The following GRID2 variants were observed in gnomAD, a reference collection of about 807,000 sequenced individuals.
GRID2 encodes the protein glutamate receptor ionotropic, delta-2.
Under a neutral mutation model 114.8 loss-of-function variants are expected in GRID2, and 33 were observed. That is an observed-to-expected ratio of 0.29 (90% CI 0.22 to 0.38). The LOEUF is 0.38. Among genes scored for constraint, GRID2 ranks in the 10% least tolerant of loss-of-function variants. GRID2 has a pLI of 1.00. For synonymous variants in GRID2, 505 were observed against 449.9 expected (o/e 1.12, Z -1.55); for missense variants, 1,184 against 1,257.7 (o/e 0.94, Z 0.89).
intron 13 of GRID2, among the ~76,000 whole-genome samples, chr4:93,580,353 T>C (rs1043369794): frequency 6.6e-6 from 1 of 152,120 alleles, no homozygotes; most frequent in Non-Finnish European, 1.5e-5. Flanking sequence ...AGTAGGCAAG[T>C]GGGGAGAGAT....
At chr4:93,115,092 TTGTGTGTGTGTGTGTGTGTG>T (rs546827152) in intron 4 of GRID2, among the ~76,000 whole-genome samples, 4 of 142,792 alleles carry the variant, frequency 2.8e-5, no homozygotes, top group African/African-American at 1.0e-4. Flanking sequence ...CTGTGTGTGC[TTGTGTGTGTGTGTGTGTGTG>T]TGTGTGTGTG....
At position 93,259,632 on chromosome 4, in the gene GRID2, T is replaced by A. The variant is rs1377893469; in HGVS notation, c.1245+21142T>A. Among the ~76,000 whole-genome samples, 4 of 151,874 alleles carry A rather than the reference T, an allele frequency of 2.6e-5. No individual in the cohort carries two copies. The East Asian group carries it at 7.7e-4, about 29-fold the overall frequency. On this transcript the variant is annotated intron_variant, in intron 8 of 15. Transcript: ENST00000282020. ...ATATTTTTATTTTTATGCAAAGCCT[T>A]TGACTATTCAGTTATTTTTTAATAT...
chr4:92,771,113 A>G (rs1359928104), intron 2 of GRID2, among the ~76,000 whole-genome samples: 5 of 152,162 alleles, frequency 3.3e-5, no homozygotes, highest in Non-Finnish European at 5.9e-5. Flanking sequence ...AACAAAACAT[A>G]ATTTGCTTTA....
chr4:93,688,702 A>T (rs1726287309), intron 14 of GRID2, among the ~76,000 whole-genome samples: 2 of 151,284 alleles, frequency 1.3e-5, no homozygotes, highest in African/African-American at 4.9e-5. Flanking sequence ...CCTGGAAAAG[A>T]GTGGCCCTCT....
At chr4:93,281,335 C>T (rs1257258875) in intron 8 of GRID2, among the ~76,000 whole-genome samples, 1 of 151,394 alleles carries the variant, frequency 6.6e-6, no homozygotes, top group Admixed American at 6.6e-5. Context: ...CCTTGAGTAA[C>T]GAAGACAAGG....
chr4:92,539,210 C>T (rs1392862266), intron 1 of GRID2, among the ~76,000 whole-genome samples: 1 of 151,974 alleles, frequency 6.6e-6, no homozygotes, highest in Non-Finnish European at 1.5e-5. Context: ...ACACAATATA[C>T]GATTTGCAGT....
At chr4:93,523,655 G>A (rs936411105) in intron 13 of GRID2, among the ~76,000 whole-genome samples, 1 of 152,118 alleles carries the variant, frequency 6.6e-6, no homozygotes, top group Non-Finnish European at 1.5e-5. Context: ...TTGGCAGGAG[G>A]GGTGAGCATA....
chr4:92,446,855 T>C (rs571600191), intron 1 of GRID2, among the ~76,000 whole-genome samples: 112 of 152,332 alleles, frequency 7.4e-4, no homozygotes, highest in Non-Finnish European at 1.2e-3. Context: ...GCAGAAGTTC[T>C]CAAGTTTTAC....
At chr4:93,238,096 A>G (rs912442684) in intron 7 of GRID2, among the ~76,000 whole-genome samples, 1 of 151,826 alleles carries the variant, frequency 6.6e-6, no homozygotes, top group Non-Finnish European at 1.5e-5. Flanking sequence ...CTGAGCTCTA[A>G]CATGGTTTCA....
At chr4:92,515,135 A>G (rs1724440485) in intron 1 of GRID2, among the ~76,000 whole-genome samples, 3 of 151,916 alleles carry the variant, frequency 2.0e-5, no homozygotes, top group African/African-American at 4.8e-5. Context: ...ATGACTTAGT[A>G]TAAATTATAC....
intron 1 of GRID2, among the ~76,000 whole-genome samples, chr4:92,451,342 CAATTT>C (rs1720914087): frequency 6.6e-6 from 1 of 151,976 alleles, no homozygotes; most frequent in Non-Finnish European, 1.5e-5. Flanking sequence ...GAATCACGCT[CAATTT>C]AGAAAGGATT....
chr4:92,709,428 A>G (rs1218877862), intron 2 of GRID2, among the ~76,000 whole-genome samples: 1 of 151,894 alleles, frequency 6.6e-6, no homozygotes, highest in Non-Finnish European at 1.5e-5. Flanking sequence ...ATTACAGTGT[A>G]ATGATACGCT....
chr4:92,372,050 C>T (rs1280024378), intron 1 of GRID2, among the ~76,000 whole-genome samples: 2 of 152,120 alleles, frequency 1.3e-5, no homozygotes, highest in Non-Finnish European at 2.9e-5. Context: ...GAAAGTGGAG[C>T]CTAAAGATGT....
intron 2 of GRID2, among the ~76,000 whole-genome samples, chr4:92,960,833 G>T (rs1010301769): frequency 6.6e-6 from 1 of 151,370 alleles, no homozygotes; most frequent in African/African-American, 2.4e-5. Context: ...TACTCTTTCC[G>T]CATTTTATGA....
At chr4:92,619,026 T>C (rs1298701062) in intron 2 of GRID2, among the ~76,000 whole-genome samples, 1 of 151,688 alleles carries the variant, frequency 6.6e-6, no homozygotes, top group African/African-American at 2.4e-5. Context: ...CTCTCTGATA[T>C]CTCTGTTTAG....
Position 93,515,360 on chromosome 4 carries a change from A to C in GRID2, c.2142A>C (p.Arg714=). ...CCCAAATGTGGCGGATGATCAACCG[A>C]AGCAATGGATCGGAGAACAATGTTC... ...MYSQMWRMIN[R]SNGSENNVLE... Residue 714 remains arginine, a synonymous_variant, in exon 13 of 16, where the codon CGA becomes CGC. Transcript: ENST00000282020. The C allele has an allele frequency of 1.2e-6, 2 of 1,613,286 alleles. No individual in the cohort carries two copies. The highest frequency in any genetic ancestry group is 1.7e-6 in the Non-Finnish European group (2 of 1,179,402).
At chr4:92,803,279 C>G (rs1177533794) in intron 2 of GRID2, among the ~76,000 whole-genome samples, 1 of 151,850 alleles carries the variant, frequency 6.6e-6, no homozygotes, top group Non-Finnish European at 1.5e-5. Context: ...CCTTTGTGAT[C>G]ACAAAAGTAA....
chr4:93,346,040 G>T lies in GRID2; in HGVS notation c.1246-49567G>T, dbSNP rs532992790. Reference sequence around the variant, plus strand: ...ATGCCAACACCATGCTGTTTTAATTGCTATAGCTTTGTAGTATATATCAAA... The same window carrying T: ...ATGCCAACACCATGCTGTTTTAATTTCTATAGCTTTGTAGTATATATCAAA... On this transcript the variant is annotated intron_variant, in intron 8 of 15. Transcript: ENST00000282020. Among the ~76,000 whole-genome samples, 3 of 152,010 alleles carry T rather than the reference G, an allele frequency of 2.0e-5. No homozygotes were observed. The East Asian group carries it at 5.8e-4, about 29-fold the overall frequency.
chr4:93,001,521 C>T (rs1421497422), intron 2 of GRID2, among the ~76,000 whole-genome samples: 1 of 151,618 alleles, frequency 6.6e-6, no homozygotes, highest in Non-Finnish European at 1.5e-5. Context: ...AAATACTTTG[C>T]ATAATAGTGA....
Sources: gnomAD v4.1 joint callset for allele counts (sites outside exome capture counted in the v4.1 genomes callset) on GRCh38, gnomAD v4.1.1 for gene constraint, MANE v1.5 for transcripts, NCBI Gene and HGNC (gene_info 2026-07-23, HGNC 2026-07-21) for gene names.